PPP1R16A: variants seen among roughly 807,000 people sequenced by gnomAD.
The protein encoded by PPP1R16A is protein phosphatase 1 regulatory subunit 16A, also known as myosin phosphatase-targeting subunit 3.
Under a neutral mutation model 46.6 loss-of-function variants are expected in PPP1R16A, and 39 were observed. That is an observed-to-expected ratio of 0.84 (90% CI 0.65 to 1.09). PPP1R16A has a LOEUF of 1.09. Among genes scored for constraint, PPP1R16A ranks in the 50% least tolerant of loss-of-function variants. The pLI, the probability that PPP1R16A is intolerant of heterozygous loss-of-function variation, is 0.00. For missense variants in PPP1R16A, 798 were observed against 735.6 expected (o/e 1.08, Z -0.98); for synonymous variants, 413 against 321.5 (o/e 1.28, Z -3.04).
intron 1 of PPP1R16A, among the ~76,000 whole-genome samples, chr8:144,482,018 C>T (rs1354217700): frequency 7.2e-5 from 11 of 152,184 alleles, no homozygotes; most frequent in Admixed American, 5.9e-4. Flanking sequence ...ACCTCGTATC[C>T]GCCCGCCTTG....
At position 144,500,561 on chromosome 8, in the gene PPP1R16A, T is replaced by C; in HGVS notation, c.780T>C (p.Ala260=). The change falls in exon 8 of 12, where the codon GCT becomes GCC. Residue 260 remains alanine (A), a synonymous_variant. Transcript: ENST00000435887. ...TGGAACACCGAGCCAGCCTGAGCGC[T>C]AAGGACCAAGACGGCTGGGAGCCGC... ...LLLEHRASLS[A]KDQDGWEPLH... is the part of the protein sequence containing the mutation. The C allele has an allele frequency of 6.3e-7, 1 of 1,597,956 alleles. No individual in the cohort carries two copies. The highest frequency in any genetic ancestry group is 8.5e-7 in the Non-Finnish European group (1 of 1,179,134).
At chr8:144,492,101 G>A (rs940531873) in intron 2 of PPP1R16A, among the ~76,000 whole-genome samples, 1 of 152,154 alleles carries the variant, frequency 6.6e-6, no homozygotes, top group Non-Finnish European at 1.5e-5. Flanking sequence ...CCAGCCGGAG[G>A]GCAGGTGGTG....
chr8:144,480,462 A>G (rs950791580), intron 1 of PPP1R16A, among the ~76,000 whole-genome samples: 1 of 151,154 alleles, frequency 6.6e-6, no homozygotes, highest in Admixed American at 6.6e-5. Context: ...TTACAGGCAC[A>G]TGCTACCATG....
At chr8:144,496,230 C>G (rs1430240313) in intron 2 of PPP1R16A, 1 of 152,372 alleles carries the variant, frequency 6.6e-6, no homozygotes, top group East Asian at 1.9e-4. Flanking sequence ...GCCTGACATG[C>G]CTTTCCCCCG....
intron 2 of PPP1R16A, among the ~76,000 whole-genome samples, chr8:144,495,276 T>A (rs1826000755): frequency 6.6e-6 from 1 of 152,078 alleles, no homozygotes; most frequent in Admixed American, 6.5e-5. Flanking sequence ...CCCAGGACAG[T>A]TCCCTTTCTG....
intron 1 of PPP1R16A, among the ~76,000 whole-genome samples, chr8:144,485,112 G>A (rs1196349663): frequency 1.3e-5 from 2 of 150,222 alleles, no homozygotes; most frequent in African/African-American, 4.9e-5. Flanking sequence ...CCCCTCAGAG[G>A]TGGGACCAGA....
At chr8:144,497,490 C>G (rs372808775) in intron 3 of PPP1R16A, 37 bp downstream of exon 3, 1 of 1,595,214 alleles carries the variant, frequency 6.3e-7, no homozygotes, top group African/African-American at 1.3e-5. Context: ...TCCCAGCAGA[C>G]GGCCCACTCC....
At chr8:144,484,427 T>C (rs564052584) in intron 1 of PPP1R16A, among the ~76,000 whole-genome samples, 6 of 152,088 alleles carry the variant, frequency 3.9e-5, no homozygotes, top group Non-Finnish European at 8.8e-5. Context: ...TCTAGAAAGG[T>C]GTGATTTGCA....
intron 3 of PPP1R16A, chr8:144,498,382 T>C: frequency 3.0e-6 from 1 of 328,866 alleles, no homozygotes; most frequent in Non-Finnish European, 6.0e-6. Flanking sequence ...CCAGGAGAGC[T>C]CATGAACACA....
intron 2 of PPP1R16A, among the ~76,000 whole-genome samples, chr8:144,495,281 T>C (rs1363409308): frequency 2.0e-5 from 3 of 152,080 alleles, no homozygotes; most frequent in South Asian, 4.1e-4. Flanking sequence ...GACAGTTCCC[T>C]TTCTGAAAGA....
intron 1 of PPP1R16A, among the ~76,000 whole-genome samples, chr8:144,486,887 A>T (rs1374739321): frequency 4.6e-5 from 7 of 151,896 alleles, no homozygotes; most frequent in African/African-American, 1.7e-4. Flanking sequence ...CGTTTTATAG[A>T]CTGTGCTTTT....
chr8:144,482,075 T>C (rs944146180), intron 1 of PPP1R16A, among the ~76,000 whole-genome samples: 3 of 150,984 alleles, frequency 2.0e-5, no homozygotes, highest in Admixed American at 6.6e-5. Context: ...TGTGCCCGGC[T>C]GCCGCCGCCG....
intron 2 of PPP1R16A, among the ~76,000 whole-genome samples, chr8:144,491,047 G>A (rs1349227047): frequency 6.6e-6 from 1 of 152,076 alleles, no homozygotes; most frequent in Non-Finnish European, 1.5e-5. Flanking sequence ...GACAGAGCAA[G>A]ACCCTGCCTC....
At chr8:144,489,837 T>C (rs553967032) in intron 1 of PPP1R16A, among the ~76,000 whole-genome samples, 197 bp from the exon 2 acceptor site, 3 of 152,318 alleles carry the variant, frequency 2.0e-5, no homozygotes, top group African/African-American at 7.2e-5. Context: ...GCTGGTGCTG[T>C]CCTTGTCACA....
chr8:144,478,028 GGTGCGGGGCCC>G lies in PPP1R16A; in HGVS notation c.-1011_-1001del, dbSNP rs1825244502. The G allele has an allele frequency of 2.5e-6, 1 of 394,186 alleles. No homozygotes were observed. Among genetic ancestry groups the G allele is most frequent in the African/African-American group, 2.1e-5 (1 of 48,404 alleles). The allele number at this position is 394,186 out of a possible 1,614,324, so 24.4% of individuals were successfully genotyped here. A position where few individuals can be genotyped will look rare whatever the true frequency, so the allele number is the denominator to read the frequency against. On this transcript the variant is annotated 5_prime_UTR_variant, in exon 1 of 12. It introduces an in-frame stop codon into an upstream open reading frame of the 5' UTR. Coordinates refer to ENST00000435887, the MANE Select transcript of PPP1R16A (RefSeq NM_001329443.2). Reference sequence around the variant, plus strand: ...TGTAGCGTTGCCATGGCGAGGGCCGGGTGCGGGGCCCGCCCCCGCAGCGCCTCAGGGAGCGC... The same window carrying G: ...TGTAGCGTTGCCATGGCGAGGGCCGGGCCCCCGCAGCGCCTCAGGGAGCGC...
At position 144,497,146 on chromosome 8, in the gene PPP1R16A, C is replaced by A; in HGVS notation, c.-49C>A. 1 of 1,538,518 alleles carries A rather than the reference C, an allele frequency of 6.5e-7. No individual in the cohort carries two copies. The highest frequency in any genetic ancestry group is 8.7e-7 in the Non-Finnish European group (1 of 1,146,196). The stretch of plus-strand genomic sequence containing the variant: ...CCTCAGGCCCAGCCTGGCCCCCAAG[C>A]TCCCCACTCTGGTGCCCCGAGCAGC... On this transcript the variant is annotated 5_prime_UTR_variant, in exon 3 of 12. Transcript: ENST00000435887.
At chr8:144,499,377 A>C (rs1255107515) in intron 5 of PPP1R16A, 3 of 378,566 alleles carry the variant, frequency 7.9e-6, no homozygotes, top group Non-Finnish European at 1.4e-5. Flanking sequence ...GGAGGGAAGC[A>C]GAGTGAGGAG....
chr8:144,501,243 GGACAACGATGACCGCCA>G lies in PPP1R16A; in HGVS notation c.1157_1173del (p.Asn386ArgfsTer67). 6.2e-7 allele frequency: 1 copy of G among 1,604,902 alleles called. No individual in the cohort carries two copies. Among genetic ancestry groups the G allele is most frequent in the Non-Finnish European group, 8.5e-7 (1 of 1,178,884 alleles). Reference sequence around the variant, plus strand: ...CGCCCACCAGCCCGGAGCCGCCCGAGGACAACGATGACCGCCAGACAGGCGCAGAGCTCAGGCCGCCG... The same window carrying G: ...CGCCCACCAGCCCGGAGCCGCCCGAGGACAGGCGCAGAGCTCAGGCCGCCG... On this transcript the variant is annotated frameshift_variant, in exon 11 of 12. Transcript: ENST00000435887. LOFTEE classifies it low-confidence loss of function (END_TRUNC).
At chr8:144,487,424 T>C (rs532892359) in intron 1 of PPP1R16A, among the ~76,000 whole-genome samples, 1 of 151,736 alleles carries the variant, frequency 6.6e-6, no homozygotes, top group East Asian at 1.9e-4. Flanking sequence ...CAGGCTGGAG[T>C]GCAGTGTTGA....
Sources: allele counts gnomAD v4.1 joint callset (sites outside exome capture counted in the v4.1 genomes callset), GRCh38; gene constraint gnomAD v4.1.1; transcripts MANE v1.5; gene names NCBI Gene and HGNC (gene_info 2026-07-23, HGNC 2026-07-21).